FRG1: variants seen among roughly 807,000 people sequenced by gnomAD.
The protein encoded by FRG1 is FSHD region gene 1, also known as protein FRG1.
Under a neutral mutation model 37.0 loss-of-function variants are expected in FRG1, and 19 were observed. The observed-to-expected ratio is 0.51, with a 90% CI of 0.36 to 0.75. The LOEUF is 0.75. Ranked by LOEUF, FRG1 falls within the 30% of genes least tolerant of loss-of-function variation. The pLI is 0.00. For synonymous variants in FRG1, 73 were observed against 96.5 expected, an observed-to-expected ratio of 0.76 and a Z score of 1.43; for missense variants, 243 against 301.4, an observed-to-expected ratio of 0.81 and a Z score of 1.44.
In FRG1 at chr4:189,953,587, C is replaced by G. The variant is rs1158451516; in HGVS notation, c.317+462C>G. On this transcript the variant is annotated intron_variant, in intron 4 of 8. Coordinates refer to ENST00000226798, the MANE Select transcript of FRG1 (RefSeq NM_004477.3). ...TAACCTTTTTTATTCTCACCTTGTG[C>G]AAAAGTATAGAACGATTCTTTGGGC... Among the ~76,000 whole-genome samples, 3 of 151,968 alleles carry G rather than the reference C, an allele frequency of 2.0e-5. No homozygotes were observed. The East Asian group carries it at 5.8e-4, about 29-fold the overall frequency.
chr4:189,954,910 C>T, intron 4 of FRG1, 127 bp from the exon 5 acceptor site: 1 of 599,658 alleles, frequency 1.7e-6, no homozygotes, highest in South Asian at 2.3e-5. Flanking sequence ...CTTTTGAAGA[C>T]TTGGAATATG....
intron 2 of FRG1, among the ~76,000 whole-genome samples, chr4:189,951,747 C>T (rs1019929210): frequency 2.0e-5 from 3 of 152,078 alleles, no homozygotes; most frequent in African/African-American, 7.2e-5. Context: ...CTCACTATAA[C>T]GTTGAACTCT....
At chr4:189,958,678 C>T (rs1363848727) in intron 6 of FRG1, among the ~76,000 whole-genome samples, 3 of 152,212 alleles carry the variant, frequency 2.0e-5, no homozygotes, top group African/African-American at 7.2e-5. Context: ...GTAAAAGTTA[C>T]ACAGACATCT....
At position 189,963,190 on chromosome 4, in the gene FRG1, A is replaced by G; in HGVS notation, c.*61A>G. The G allele has an allele frequency of 7.2e-7, 1 of 1,393,110 alleles. No individual in the cohort carries two copies. Among genetic ancestry groups the G allele is most frequent in the Non-Finnish European group, 1.0e-6 (1 of 984,600 alleles). The allele number at this position is 1,393,110 out of a possible 1,614,324, so 86.3% of individuals were successfully genotyped here. On this transcript the variant is annotated 3_prime_UTR_variant, in exon 9 of 9. Transcript: ENST00000226798. ...TTTTTCTGAATAAAATATTCAGAGG[A>G]AATGCTTTTACAGAGTTCTTGAGTT...
chr4:189,962,398 A>G (rs1438266023), intron 8 of FRG1, among the ~76,000 whole-genome samples: 1 of 152,176 alleles, frequency 6.6e-6, no homozygotes, highest in African/African-American at 2.4e-5. Context: ...CATTATTAAT[A>G]TTTATTACTC....
Position 189,952,366 on chromosome 4 carries a change from T to C in FRG1, c.259+79T>C, listed in dbSNP as rs1362892046. 2.3e-6 allele frequency: 3 copies of C among 1,310,338 alleles called. No individual in the cohort carries two copies. In the African/African-American group the frequency reaches 4.4e-5, roughly 19 times the overall value. The allele number at this position is 1,310,338 out of a possible 1,614,324, so 81.2% of individuals were successfully genotyped here. ...TTCACTTAGGCCAAACTCTAACTAG[T>C]CTCAAACATTTTCCAAAGGAATGGA... On this transcript the variant is annotated intron_variant, in intron 3 of 8. Coordinates refer to ENST00000226798, the MANE Select transcript of FRG1 (RefSeq NM_004477.3).
At chr4:189,949,842 C>A (rs1179810438) in intron 2 of FRG1, among the ~76,000 whole-genome samples, 3 of 151,922 alleles carry the variant, frequency 2.0e-5, no homozygotes, top group Non-Finnish European at 4.4e-5. Context: ...GATTAATTTT[C>A]TTTTTCTCCA....
intron 2 of FRG1, among the ~76,000 whole-genome samples, chr4:189,951,489 CAAAA>C (rs70947948): frequency 7.0e-5 from 8 of 114,544 alleles, no homozygotes; most frequent in Admixed American, 9.7e-5. Flanking sequence ...GTCTCCGTCT[CAAAA>C]AAAAAAAAAA....
At chr4:189,961,700 G>A (rs377281594) in intron 7 of FRG1, 122 bp from the exon 8 acceptor site, 21 of 545,818 alleles carry the variant, frequency 3.8e-5, no homozygotes, top group Middle Eastern at 4.9e-4. Flanking sequence ...GAGCCACTGC[G>A]CCTGGCCTAC....
rs772234398 is a variant in FRG1 at position 189,955,098 on chromosome 4, G to A, written c.379G>A (p.Gly127Arg). The change falls in exon 5 of 9, where the codon GGG becomes AGG. Residue 127 changes from glycine (G) to arginine (R), a missense_variant. By Grantham distance (125) the Gly-to-Arg change is moderately radical (BLOSUM62 -2). Coordinates refer to ENST00000226798, the MANE Select transcript of FRG1 (RefSeq NM_004477.3). ...TATAAATTCAGATGGACTTGTTGTT[G>A]GGCGTTCAGATGCAATTGGACCAAG... ...LGINSDGLVV[G>R]RSDAIGPREQ... is the part of the protein sequence containing the mutation. 1 of 1,613,590 alleles carries A rather than the reference G, an allele frequency of 6.2e-7. No individual in the cohort carries two copies. The highest frequency in any genetic ancestry group is 8.5e-7 in the Non-Finnish European group (1 of 1,179,626).
chr4:189,951,833 T>C (rs1412442496), intron 2 of FRG1, among the ~76,000 whole-genome samples: 2 of 152,154 alleles, frequency 1.3e-5, no homozygotes, highest in African/African-American at 2.4e-5. Flanking sequence ...CCTGGCTGTA[T>C]GTTGCTATTT....
chr4:189,940,946 G>A lies in FRG1; in HGVS notation c.-64G>A, dbSNP rs1355035954. The A allele has an allele frequency of 1.5e-5, 20 of 1,350,986 alleles. 1 individual carries two copies. Among genetic ancestry groups the A allele is most frequent in the South Asian group, 2.4e-5 (2 of 84,160 alleles). 83.7% of individuals were successfully genotyped at this position (1,350,986 alleles called of 1,614,324 possible). ...TTCTGTTTCTCCGCGCCCCTGTGCT[G>A]CCCCGACTCACATACTCGTCCAGAA... On this transcript the variant is annotated 5_prime_UTR_variant, in exon 1 of 9. Transcript: ENST00000226798.
chr4:189,942,271 A>G (rs1274846309), intron 1 of FRG1, among the ~76,000 whole-genome samples: 1 of 152,100 alleles, frequency 6.6e-6, no homozygotes. Context: ...CCTTTTGTAC[A>G]GTCAGGGGTT....
chr4:189,944,343 AT>A (rs1342152885), intron 2 of FRG1, among the ~76,000 whole-genome samples: 4 of 152,004 alleles, frequency 2.6e-5, no homozygotes, highest in Admixed American at 2.0e-4. Flanking sequence ...CACCCGGCTA[AT>A]TTTTTGTGTT....
At chr4:189,951,420 G>T (rs1192188555) in intron 2 of FRG1, among the ~76,000 whole-genome samples, 1 of 151,460 alleles carries the variant, frequency 6.6e-6, no homozygotes, top group African/African-American at 2.4e-5. Context: ...AACCCGGGAG[G>T]CAGAGGTCGC....
At chr4:189,953,759 A>G (rs1031965235) in intron 4 of FRG1, among the ~76,000 whole-genome samples, 1 of 152,138 alleles carries the variant, frequency 6.6e-6, no homozygotes, top group Non-Finnish European at 1.5e-5. Context: ...AAGATTAGAA[A>G]TCATAATTTT....
At chr4:189,941,377 C>G (rs1204974364) in intron 1 of FRG1, among the ~76,000 whole-genome samples, 1 of 152,214 alleles carries the variant, frequency 6.6e-6, no homozygotes, top group African/African-American at 2.4e-5. Flanking sequence ...CTGCATTAGT[C>G]TGATCTCGTA....
rs531359750 is a variant in FRG1, at chr4:189,954,610, A to T, written c.318-427A>T. 3.7e-3 allele frequency among the ~76,000 whole-genome samples: 547 copies of T among 147,552 alleles called. 4 individuals are homozygous for T. The highest frequency in any genetic ancestry group is 7.8e-3 in the South Asian group (36 of 4,614). ...TAGCTTTTTTCTTTTTTTTTTTTTT[A>T]AAGGCACAGAGTCTCACTCTGTCAC... On this transcript the variant is annotated intron_variant, in intron 4 of 8. Coordinates refer to ENST00000226798, the MANE Select transcript of FRG1 (RefSeq NM_004477.3).
At position 189,943,276 on chromosome 4, in the gene FRG1, A is replaced by C. The variant is rs1327973907; in HGVS notation, c.133+4A>C. 1 of 1,606,134 alleles carries C rather than the reference A, an allele frequency of 6.2e-7. No homozygotes were observed. The highest frequency in any genetic ancestry group is 8.5e-7 in the Non-Finnish European group (1 of 1,177,376). ...GAAACCCAGCTTGATATTGTTGGTG[A>C]GTCAGTTTTCAGTGCTCTATTCTGA... On this transcript the variant is annotated splice_donor_region_variant and intron_variant, in intron 2 of 8. Coordinates refer to ENST00000226798, the MANE Select transcript of FRG1 (RefSeq NM_004477.3).
Sources: allele counts gnomAD v4.1 joint callset (sites outside exome capture counted in the v4.1 genomes callset), GRCh38; gene constraint gnomAD v4.1.1; transcripts MANE v1.5; gene names NCBI Gene and HGNC (gene_info 2026-07-23, HGNC 2026-07-21).